Variants in NKAIN3 observed in about 807,000 individuals in gnomAD.
NKAIN3 encodes the protein sodium/potassium transporting ATPase interacting 3.
In NKAIN3, 25 loss-of-function variants were observed where a neutral mutation model predicts 30.2. That is an observed-to-expected ratio of 0.83 (90% CI 0.60 to 1.16). The LOEUF is 1.16. NKAIN3 is among the 50% of genes most tolerant of loss of function. The pLI is 0.00. For missense variants in NKAIN3, 225 were observed against 254.1 expected, an observed-to-expected ratio of 0.89 and a Z score of 0.78; for synonymous variants, 91 against 89.6, an observed-to-expected ratio of 1.02 and a Z score of -0.09.
intron 4 of NKAIN3, among the ~76,000 whole-genome samples, chr8:62,846,908 C>T (rs1257066748): frequency 1.3e-5 from 2 of 152,088 alleles, no homozygotes; most frequent in African/African-American, 4.8e-5. Flanking sequence ...GGCAAGAGAG[C>T]TTGTGCAGGG....
intron 1 of NKAIN3, among the ~76,000 whole-genome samples, chr8:62,464,551 A>C (rs1418735411): frequency 2.0e-5 from 3 of 152,208 alleles, no homozygotes; most frequent in Non-Finnish European, 4.4e-5. Context: ...CGTAGTGCTA[A>C]AGAGTATCTA....
chr8:62,722,615 A>G (rs1358254574), intron 3 of NKAIN3, among the ~76,000 whole-genome samples: 2 of 152,150 alleles, frequency 1.3e-5, no homozygotes, highest in Non-Finnish European at 2.9e-5. Flanking sequence ...CTTACCGTCA[A>G]ATCAAGGAGT....
rs191129848 is a variant in NKAIN3, at chr8:62,918,586, G to C, written c.532+73G>C. ...CAGCTTCCAAAACTAATCATTACAG[G>C]GCTATGAAATGAAATCTTTTATATT... On this transcript the variant is annotated intron_variant, in intron 5 of 6. Coordinates refer to ENST00000623646, the MANE Select transcript of NKAIN3 (RefSeq NM_001304533.3). 127 of 956,560 alleles carry C rather than the reference G, an allele frequency of 1.3e-4. 1 individual carries two copies. In the African/African-American group the frequency reaches 1.9e-3, roughly 14 times the overall value. The allele number at this position is 956,560 out of a possible 1,614,324, so 59.3% of individuals were successfully genotyped here.
intron 4 of NKAIN3, among the ~76,000 whole-genome samples, chr8:62,850,777 G>A (rs115435543): frequency 0.11 from 16,380 of 151,940 alleles, 981 homozygotes; most frequent in African/African-American, 0.15. Context: ...GATATGCAGC[G>A]TTATTTCTGA....
intron 1 of NKAIN3, chr8:62,482,983 C>G (rs1442502862): frequency 6.6e-6 from 1 of 152,164 alleles, no homozygotes; most frequent in Non-Finnish European, 1.5e-5. Context: ...TTAACTCCCA[C>G]ACTGAGCAGT....
rs535757107 is a variant in NKAIN3 at position 62,683,025 on chromosome 8, TTTTG to T, written c.274-63887_274-63884del. 2.7e-3 allele frequency among the ~76,000 whole-genome samples: 404 copies of T among 152,138 alleles called. 4 individuals are homozygous for T. Among genetic ancestry groups the T allele is most frequent in the Non-Finnish European group, 4.6e-3 (313 of 67,986 alleles). ...TGTGTCAGGTTTTGTTTGTTTGTTT[TTTTG>T]TTTGTTTGTTTGTTTGTTTTTTGAG... is the stretch of plus-strand genomic sequence containing the variant. On this transcript the variant is annotated intron_variant, in intron 3 of 6. Coordinates refer to ENST00000623646, the MANE Select transcript of NKAIN3 (RefSeq NM_001304533.3).
chr8:62,682,874 C>G (rs923838894), intron 3 of NKAIN3, among the ~76,000 whole-genome samples: 1 of 152,100 alleles, frequency 6.6e-6, no homozygotes, highest in Non-Finnish European at 1.5e-5. Context: ...AACTCTGCCC[C>G]AACCTGATGG....
intron 3 of NKAIN3, among the ~76,000 whole-genome samples, chr8:62,626,855 C>G (rs1279881802): frequency 6.6e-6 from 1 of 152,116 alleles, no homozygotes; most frequent in African/African-American, 2.4e-5. Context: ...GTAAGTCAAC[C>G]ACTGTTGCCT....
At chr8:62,804,645 G>C (rs917940919) in intron 4 of NKAIN3, among the ~76,000 whole-genome samples, 2 of 152,102 alleles carry the variant, frequency 1.3e-5, no homozygotes, top group African/African-American at 2.4e-5. Flanking sequence ...TTGATGGGAT[G>C]TACCTCAAAA....
At chr8:62,282,410 A>T (rs1468793978) in intron 1 of NKAIN3, among the ~76,000 whole-genome samples, 1 of 152,024 alleles carries the variant, frequency 6.6e-6, no homozygotes, top group Non-Finnish European at 1.5e-5. Flanking sequence ...ATACCCAAAA[A>T]TTTTCTAGGG....
intron 3 of NKAIN3, among the ~76,000 whole-genome samples, chr8:62,686,778 AT>A (rs1307081545): frequency 2.6e-5 from 4 of 152,202 alleles, no homozygotes. Context: ...ACACATACCC[AT>A]TACTTCTTGT....
intron 3 of NKAIN3, among the ~76,000 whole-genome samples, chr8:62,594,828 T>C (rs923678446): frequency 6.6e-6 from 1 of 151,078 alleles, no homozygotes; most frequent in Non-Finnish European, 1.5e-5. Context: ...CTTCCTTCCT[T>C]CATTCCTTTC....
chr8:62,510,863 C>G (rs1585890033), intron 1 of NKAIN3, among the ~76,000 whole-genome samples: 2 of 152,022 alleles, frequency 1.3e-5, no homozygotes, highest in South Asian at 4.2e-4. Context: ...TCACCTTCCC[C>G]CTCTGTCCTG....
At chr8:62,475,536 G>A (rs958297199) in intron 1 of NKAIN3, among the ~76,000 whole-genome samples, 4 of 152,144 alleles carry the variant, frequency 2.6e-5, no homozygotes, top group Non-Finnish European at 2.9e-5. Context: ...GTATATCTAC[G>A]GAGTTTTACA....
chr8:62,342,295 T>C (rs1314943236), intron 1 of NKAIN3, among the ~76,000 whole-genome samples: 1 of 150,656 alleles, frequency 6.6e-6, no homozygotes, highest in Non-Finnish European at 1.5e-5. Context: ...AGAAAATCTT[T>C]CTTTTTGTTT....
chr8:62,882,203 T>A (rs1821003784), intron 4 of NKAIN3, among the ~76,000 whole-genome samples: 1 of 152,224 alleles, frequency 6.6e-6, no homozygotes, highest in South Asian at 2.1e-4. Flanking sequence ...GTGACTTATC[T>A]TCTCCTTCTC....
At chr8:62,262,773 TA>T in intron 1 of NKAIN3, among the ~76,000 whole-genome samples, 1 of 152,252 alleles carries the variant, frequency 6.6e-6, no homozygotes. Context: ...CGTTTTGTAA[TA>T]TTTCACAGAG....
intron 3 of NKAIN3, among the ~76,000 whole-genome samples, chr8:62,592,101 G>A (rs2127577): frequency 0.79 from 120,760 of 151,918 alleles, 48,157 homozygotes; most frequent in Middle Eastern, 0.84. Context: ...TAAAAATGGG[G>A]TCCAGAGTGA....
intron 4 of NKAIN3, among the ~76,000 whole-genome samples, chr8:62,862,366 AATC>A (rs1820275492): frequency 6.6e-6 from 1 of 152,174 alleles, no homozygotes. Context: ...TCACATAGAA[AATC>A]ATGATTATTT....
Sources: allele counts gnomAD v4.1 joint callset (sites outside exome capture counted in the v4.1 genomes callset), GRCh38; gene constraint gnomAD v4.1.1; transcripts MANE v1.5; gene names NCBI Gene and HGNC (gene_info 2026-07-23, HGNC 2026-07-21).